SLC27A6: variants seen among roughly 807,000 people sequenced by gnomAD.
The protein encoded by SLC27A6 is long-chain fatty acid transport protein 6.
Under a neutral mutation model 63.9 loss-of-function variants are expected in SLC27A6, and 74 were observed. The observed-to-expected ratio is 1.16, with a 90% confidence interval of 0.96 to 1.40. The LOEUF (loss-of-function observed/expected upper bound fraction) is 1.40, where lower values mean the gene tolerates loss of function less well. Among genes scored for constraint, SLC27A6 ranks in the 40% most tolerant of loss-of-function variants. The pLI is 0.00. For synonymous variants in SLC27A6, 287 were observed against 260.8 expected (o/e 1.10, Z -0.97); for missense variants, 794 against 732.9 (o/e 1.08, Z -0.96).
intron 4 of SLC27A6, among the ~76,000 whole-genome samples, chr5:129,012,236 TGTA>T (rs1400960336): frequency 6.6e-6 from 1 of 152,012 alleles, no homozygotes; most frequent in African/African-American, 2.4e-5. Flanking sequence ...TGTTTAAAGG[TGTA>T]TTATTATTAT....
intron 5 of SLC27A6, among the ~76,000 whole-genome samples, chr5:129,022,208 T>A (rs1752096736): frequency 6.6e-6 from 1 of 152,214 alleles, no homozygotes; most frequent in South Asian, 2.1e-4. Flanking sequence ...ATATTTGCTT[T>A]GCTGCCTCTT....
intron 4 of SLC27A6, among the ~76,000 whole-genome samples, chr5:128,995,370 G>A (rs1003342847): frequency 6.6e-6 from 1 of 152,152 alleles, no homozygotes; most frequent in South Asian, 2.1e-4. Flanking sequence ...AGATATACAG[G>A]ACACACAGGA....
chr5:129,019,255 C>G (rs975613953), intron 5 of SLC27A6, among the ~76,000 whole-genome samples: 1 of 151,870 alleles, frequency 6.6e-6, no homozygotes, highest in African/African-American at 2.4e-5. Context: ...GAGACAAACT[C>G]AAGTAGAATT....
intron 4 of SLC27A6, among the ~76,000 whole-genome samples, chr5:129,011,092 A>G (rs1388501915): frequency 2.6e-5 from 4 of 152,200 alleles, no homozygotes; most frequent in African/African-American, 9.7e-5. Flanking sequence ...GAGACTTAAT[A>G]TGATTAATGA....
intron 4 of SLC27A6, among the ~76,000 whole-genome samples, chr5:129,014,858 A>G (rs551191014): frequency 7.2e-5 from 11 of 152,268 alleles, no homozygotes; most frequent in African/African-American, 2.2e-4. Context: ...CTGCTCAATC[A>G]CATGTCCTTT....
In SLC27A6 at chr5:129,000,520, C is replaced by A. The variant is rs3890985; in HGVS notation, c.969+10056C>A. ...GCAAGGAAAGCTAAATTCTACAGAA[C>A]GTTGGTGTTTCTGGAGGGGACAAAG... On this transcript the variant is annotated intron_variant, in intron 4 of 9. Transcript: ENST00000262462. Among the ~76,000 whole-genome samples, 388 of 152,250 alleles carry A rather than the reference C, an allele frequency of 2.5e-3. 3 individuals carry two copies. Among genetic ancestry groups the A allele is most frequent in the African/African-American group, 8.5e-3 (354 of 41,536 alleles).
At chr5:129,022,423 G>A (rs530033216) in intron 5 of SLC27A6, among the ~76,000 whole-genome samples, 2 of 152,150 alleles carry the variant, frequency 1.3e-5, no homozygotes, top group South Asian at 4.2e-4. Context: ...CTAATGCTAA[G>A]AACCAGAGGT....
rs1366841955 is a variant in SLC27A6, at chr5:129,027,345, T to C, written c.1454+14T>C. The stretch of plus-strand genomic sequence containing the variant: ...AGACACTTTCAGGTATGAAATGTTA[T>C]GGGATCCATAGCTTGTTCTGTAATT... On this transcript the variant is annotated intron_variant, in intron 7 of 9. Transcript: ENST00000262462. 1.9e-6 allele frequency: 3 copies of C among 1,580,194 alleles called. No individual in the cohort carries two copies. The highest frequency in any genetic ancestry group is 2.2e-5 in the East Asian group (1 of 44,674).
Position 128,996,342 on chromosome 5 carries a change from A to C in SLC27A6, c.969+5878A>C, listed in dbSNP as rs528937103. Among the ~76,000 whole-genome samples, 351 of 152,262 alleles carry C rather than the reference A, an allele frequency of 2.3e-3. 2 individuals are homozygous for C. Among genetic ancestry groups the C allele is most frequent in the African/African-American group, 8.1e-3 (337 of 41,548 alleles). ...CCCCTTTCCTTATTTTGTTTTCTTAAAAGCTAAGAAATTCCCTGGGAGCCA... is the reference window on the plus strand; with the variant it reads ...CCCCTTTCCTTATTTTGTTTTCTTACAAGCTAAGAAATTCCCTGGGAGCCA... On this transcript the variant is annotated intron_variant, in intron 4 of 9. Transcript: ENST00000262462.
At chr5:128,968,471 G>A (rs542110063) in intron 1 of SLC27A6, among the ~76,000 whole-genome samples, 34 of 152,172 alleles carry the variant, frequency 2.2e-4, no homozygotes, top group African/African-American at 7.0e-4. Flanking sequence ...GTGTGAGATG[G>A]TATCTCATTG....
chr5:128,973,800 G>A (rs1461894024), intron 1 of SLC27A6, among the ~76,000 whole-genome samples: 1 of 152,208 alleles, frequency 6.6e-6, no homozygotes, highest in East Asian at 1.9e-4. Flanking sequence ...AAGTCCAAAT[G>A]AGATGAATCC....
chr5:128,981,310 G>A (rs545564902), intron 1 of SLC27A6, among the ~76,000 whole-genome samples: 3 of 151,886 alleles, frequency 2.0e-5, no homozygotes, highest in South Asian at 4.2e-4. Flanking sequence ...TAAAAACCCC[G>A]TCTCTACTAA....
intron 1 of SLC27A6, among the ~76,000 whole-genome samples, chr5:128,973,112 A>G (rs760253556): frequency 2.0e-5 from 3 of 152,114 alleles, no homozygotes; most frequent in Non-Finnish European, 4.4e-5. Flanking sequence ...CAGAACAGCA[A>G]ATGTTGCTGC....
rs4068575 is a variant in SLC27A6, at chr5:129,006,071, G to GTTTTTTTTTTTTTTTTTTTT, written c.970-9808_970-9789dup. Among the ~76,000 whole-genome samples the GTTTTTTTTTTTTTTTTTTTT allele has an allele frequency of 3.4e-3, 206 of 60,122 alleles. 51 individuals carry two copies. The highest frequency in any genetic ancestry group is 0.011 in the East Asian group (7 of 614). 39.4% of individuals were successfully genotyped at this position (60,122 alleles called of 152,430 possible). ...TAAAATTTTCATTCCTGTGCACACT[G>GTTTTTTTTTTTTTTTTTTTT]TTTTTTTTTTTTTTTTTTTTTTTTT... On this transcript the variant is annotated intron_variant, in intron 4 of 9. Transcript: ENST00000262462.
chr5:129,010,524 T>C (rs1751694936), intron 4 of SLC27A6, among the ~76,000 whole-genome samples: 3 of 152,200 alleles, frequency 2.0e-5, no homozygotes, highest in South Asian at 4.1e-4. Context: ...AGACTCAGCA[T>C]AGGGGAAGTT....
intron 5 of SLC27A6, among the ~76,000 whole-genome samples, chr5:129,022,954 T>G (rs1164396070): frequency 6.7e-6 from 1 of 149,446 alleles, no homozygotes; most frequent in African/African-American, 2.4e-5. Flanking sequence ...GCAGAGTAGC[T>G]GAAGGGATGA....
At chr5:128,983,711 A>T (rs1297030753) in intron 1 of SLC27A6, among the ~76,000 whole-genome samples, 1 of 152,188 alleles carries the variant, frequency 6.6e-6, no homozygotes, top group African/African-American at 2.4e-5. Flanking sequence ...TAATTCTACC[A>T]TCCACCAACT....
At chr5:129,010,432 A>G (rs1751691719) in intron 4 of SLC27A6, among the ~76,000 whole-genome samples, 1 of 152,226 alleles carries the variant, frequency 6.6e-6, no homozygotes, top group Non-Finnish European at 1.5e-5. Flanking sequence ...ACAGAGCTTA[A>G]AATAGGAAGA....
intron 1 of SLC27A6, among the ~76,000 whole-genome samples, chr5:128,982,017 T>G (rs1322690674): frequency 6.6e-6 from 1 of 152,086 alleles, no homozygotes; most frequent in South Asian, 2.1e-4. Context: ...TTTCACCATG[T>G]TGGCCAGGCT....
Sources: allele counts gnomAD v4.1 joint callset (sites outside exome capture counted in the v4.1 genomes callset), GRCh38; gene constraint gnomAD v4.1.1; transcripts MANE v1.5; gene names NCBI Gene and HGNC (gene_info 2026-07-23, HGNC 2026-07-21).